CARNMT1: variants seen among roughly 807,000 people sequenced by gnomAD.
The protein encoded by CARNMT1 is protein-L-histidine N-pros-methyltransferase CARNMT1.
In CARNMT1, 28 loss-of-function variants were observed where a neutral mutation model predicts 49.6. The observed-to-expected ratio is 0.56, with a 90% CI of 0.42 to 0.77. The LOEUF is 0.77. CARNMT1 is among the 30% of genes least tolerant of loss of function. The probability of loss-of-function intolerance (pLI) is 0.00; values close to 1 mark genes in which losing one functional copy is unlikely to be tolerated. For synonymous variants in CARNMT1, 178 were observed against 175.0 expected, an observed-to-expected ratio of 1.02 and a Z score of -0.13; for missense variants, 421 against 512.6, an observed-to-expected ratio of 0.82 and a Z score of 1.73.
At chr9:74,994,500 T>G (rs1439624880) in intron 6 of CARNMT1, among the ~76,000 whole-genome samples, 2 of 152,120 alleles carry the variant, frequency 1.3e-5, no homozygotes, top group Non-Finnish European at 2.9e-5. Flanking sequence ...CACAAGGATT[T>G]TGAAGTATCT....
At position 75,002,811 on chromosome 9, in the gene CARNMT1, G is replaced by A. The variant is rs550427715; in HGVS notation, c.591-2941C>T. Among the ~76,000 whole-genome samples the A allele has an allele frequency of 5.3e-5, 8 of 152,272 alleles. No individual in the cohort carries two copies. In the East Asian group the frequency reaches 1.5e-3, roughly 29 times the overall value. On this transcript the variant is annotated intron_variant, in intron 3 of 7. Coordinates refer to ENST00000376834, the MANE Select transcript of CARNMT1 (RefSeq NM_152420.3). ...GCTGGAGTGCAATAGTGCCATCTCA[G>A]GTCACTGCAACCTCTGCCTCTCAGG... is the stretch of plus-strand genomic sequence containing the variant.
intron 1 of CARNMT1, among the ~76,000 whole-genome samples, chr9:75,021,098 T>A (rs1822338045): frequency 6.6e-6 from 1 of 151,836 alleles, no homozygotes. Flanking sequence ...TAGGTAGCAT[T>A]ACCTTCCTCT....
chr9:74,988,258 A>G (rs1286607450), intron 6 of CARNMT1, among the ~76,000 whole-genome samples: 2 of 149,494 alleles, frequency 1.3e-5, no homozygotes, highest in Middle Eastern at 3.2e-3. Context: ...AGGAGCAAAG[A>G]TATGTTTTTT....
chr9:75,020,657 T>C (rs573401312), intron 1 of CARNMT1, among the ~76,000 whole-genome samples: 48 of 152,330 alleles, frequency 3.2e-4, no homozygotes, highest in Middle Eastern at 3.4e-3. Context: ...TTCTTATTTT[T>C]ACCCTCTGCC....
At chr9:75,017,738 T>C (rs1236685128) in intron 1 of CARNMT1, among the ~76,000 whole-genome samples, 4 of 152,350 alleles carry the variant, frequency 2.6e-5, no homozygotes, top group Non-Finnish European at 5.9e-5. Context: ...ATTAATTTAT[T>C]TTTGTGTTTT....
rs760226521 is a variant in CARNMT1, at chr9:74,998,669, G to C, written c.839C>G (p.Pro280Arg). ...IRPIFFPDVD[P>R]HSLPPGSNFS... ...GTTAGAACCAGGAGGAAGACTGTGG[G>C]GGTCAACATCAGGGAAAAAGATGGG... The change falls in exon 5 of 8, where the codon CCC becomes CGC. Residue 280 changes from proline to arginine, a missense_variant. Pro to Arg is a moderately radical substitution (Grantham distance 103, BLOSUM62 -2). Around this residue, in one of 2 missense-constraint regions of CARNMT1, gnomAD observed 235 missense variants for 344.8 expected, o/e 0.68. Coordinates refer to ENST00000376834, the MANE Select transcript of CARNMT1 (RefSeq NM_152420.3). 6.2e-7 allele frequency: 1 copy of C among 1,608,736 alleles called. No homozygotes were observed. Among genetic ancestry groups the C allele is most frequent in the Non-Finnish European group, 8.5e-7 (1 of 1,177,282 alleles).
chr9:75,008,282 G>A (rs1833580662), intron 3 of CARNMT1, among the ~76,000 whole-genome samples: 1 of 151,532 alleles, frequency 6.6e-6, no homozygotes, highest in Admixed American at 6.6e-5. Flanking sequence ...CACTGGCCAC[G>A]GGTTGGACAA....
rs1325555344 is a variant in CARNMT1, at chr9:74,998,583, T to A, written c.910+15A>T. 6.5e-7 allele frequency: 1 copy of A among 1,528,974 alleles called. No individual in the cohort carries two copies. Among genetic ancestry groups the A allele is most frequent in the East Asian group, 2.3e-5 (1 of 43,396 alleles). 94.7% of individuals were successfully genotyped at this position (1,528,974 alleles called of 1,614,324 possible). A position where few individuals can be genotyped will look rare whatever the true frequency, so the allele number is the denominator to read the frequency against. On this transcript the variant is annotated intron_variant, in intron 5 of 7. Transcript: ENST00000376834. ...ATAAAGGACAAGACTTTTTAAACGC[T>A]TGATTTGGACTTACTGCATTCTGAA... is the stretch of plus-strand genomic sequence containing the variant.
At chr9:74,998,165 A>G (rs908174915) in intron 5 of CARNMT1, among the ~76,000 whole-genome samples, 3 of 152,100 alleles carry the variant, frequency 2.0e-5, no homozygotes, top group Admixed American at 6.6e-5. Context: ...ATCTCCCATT[A>G]AATCTTTTCT....
chr9:75,027,111 T>G, intron 1 of CARNMT1: 1 of 1,304,288 alleles, frequency 7.7e-7, no homozygotes, highest in Non-Finnish European at 1.0e-6. Context: ...TAGTCACCGG[T>G]GGACTCATAT....
At chr9:74,991,693 G>A (rs1272505814) in intron 6 of CARNMT1, 1 of 152,118 alleles carries the variant, frequency 6.6e-6, no homozygotes, top group Non-Finnish European at 1.5e-5. Flanking sequence ...CTTGATTATA[G>A]AGGAGTCAAC....
intron 6 of CARNMT1, among the ~76,000 whole-genome samples, chr9:74,991,825 A>G (rs948523392): frequency 2.6e-5 from 4 of 152,174 alleles, no homozygotes; most frequent in African/African-American, 4.8e-5. Context: ...ATCTACCCCA[A>G]CTTCTAAAAA....
intron 3 of CARNMT1, among the ~76,000 whole-genome samples, chr9:75,010,802 G>GGGTGGCGAGAAT (rs1833667663): frequency 6.7e-6 from 1 of 149,134 alleles, no homozygotes; most frequent in Non-Finnish European, 1.5e-5. Context: ...GGTAGAGGCA[G>GGGTGGCGAGAAT]GGTGGGGAGA....
chr9:74,996,308 A>G, intron 6 of CARNMT1, 139 bp downstream of exon 6: 1 of 569,646 alleles, frequency 1.8e-6, no homozygotes, highest in Non-Finnish European at 3.1e-6. Flanking sequence ...ATGCAGTCTA[A>G]AGGAAACTGT....
intron 6 of CARNMT1, among the ~76,000 whole-genome samples, chr9:74,987,413 A>G (rs1832877289): frequency 6.6e-6 from 1 of 152,242 alleles, no homozygotes. Context: ...ATGGATAAAC[A>G]AAATGTAATA....
At chr9:75,014,019 T>A (rs1215016334) in intron 3 of CARNMT1, among the ~76,000 whole-genome samples, 8 of 69,104 alleles carry the variant, frequency 1.2e-4, no homozygotes, top group South Asian at 4.8e-4. Context: ...ATCCACTTAC[T>A]TAAAAAAAAA....
intron 3 of CARNMT1, among the ~76,000 whole-genome samples, chr9:75,002,652 G>C (rs1833396062): frequency 6.6e-6 from 1 of 152,230 alleles, no homozygotes; most frequent in Admixed American, 6.5e-5. Context: ...CTGCTCTGCA[G>C]AGGCAGTCAA....
At chr9:75,014,958 A>G (rs911133385) in intron 3 of CARNMT1, among the ~76,000 whole-genome samples, 7 of 152,368 alleles carry the variant, frequency 4.6e-5, no homozygotes, top group South Asian at 2.1e-4. Context: ...AAAGTTGTCA[A>G]TCAATACGGA....
chr9:74,993,542 G>A (rs1833095919), intron 6 of CARNMT1, among the ~76,000 whole-genome samples: 1 of 152,086 alleles, frequency 6.6e-6, no homozygotes, highest in Non-Finnish European at 1.5e-5. Context: ...GAAGGCAGGG[G>A]CGTCCTTAAG....
Sources: allele counts gnomAD v4.1 joint callset (sites outside exome capture counted in the v4.1 genomes callset), GRCh38; gene constraint gnomAD v4.1.1; regional missense constraint gnomAD v4.1.1; transcripts MANE v1.5; gene names NCBI Gene and HGNC (gene_info 2026-07-23, HGNC 2026-07-21).